Variants in MRPL36 observed in about 807,000 individuals in gnomAD.
MRPL36 encodes large ribosomal subunit protein bL36m.
MRPL36 carries 1 observed loss-of-function variant against 2.8 expected under a neutral mutation model. That is an observed-to-expected ratio of 0.36 (90% CI 0.13 to 1.69). The LOEUF is 1.69. MRPL36 is among the 40% of genes most tolerant of loss of function. MRPL36 has a pLI of 0.35. For missense variants in MRPL36, 148 were observed against 132.7 expected (o/e 1.12, Z -0.57); for synonymous variants, 68 against 54.8 (o/e 1.24, Z -1.06).
At chr5:1,801,358 C>T, upstream of MRPL36, 1 of 1,575,276 alleles carries the variant, frequency 6.3e-7, no homozygotes, top group East Asian at 2.3e-5. Flanking sequence ...CGCCAGAAGC[C>T]GTGCGCATGC....
upstream of MRPL36, chr5:1,799,866 A>T (rs1174554228): frequency 8.1e-6 from 1 of 122,884 alleles, no homozygotes; most frequent in African/African-American, 3.2e-5. Flanking sequence ...CCAGGAAGGA[A>T]GATGGCGGCG....
Position 1,798,469 on chromosome 5 carries a change from C to T in MRPL36, c.*155G>A. The T allele has an allele frequency of 3.0e-6, 2 of 663,818 alleles. No homozygotes were observed. Among genetic ancestry groups the T allele is most frequent in the South Asian group, 2.1e-5 (1 of 48,712 alleles). The allele number at this position is 663,818 out of a possible 1,614,324, so 41.1% of individuals were successfully genotyped here. A position where few individuals can be genotyped will look rare whatever the true frequency, so the allele number is the denominator to read the frequency against. On this transcript the variant is annotated 3_prime_UTR_variant, in exon 2 of 2. Transcript: ENST00000505059. ...GATAACGCAATGTCTTCTATAGTTA[C>T]TCATTTACACTGAAACGTGATGGGT...
chr5:1,801,301 C>G, upstream of MRPL36: 2 of 1,357,074 alleles, frequency 1.5e-6, no homozygotes, highest in East Asian at 2.5e-5. Context: ...CTGCCCCGAC[C>G]CGCGCTCCCC....
chr5:1,800,744 A>G (rs972892), upstream of MRPL36, among the ~76,000 whole-genome samples: 112,049 of 152,064 alleles, frequency 0.74, 44,405 homozygotes, highest in Non-Finnish European at 0.88. Flanking sequence ...ACCCAAGTCA[A>G]CTCTAAGCAA....
Position 1,798,890 on chromosome 5 carries a change from G to T in MRPL36, c.46C>A (p.Leu16Ile), listed in dbSNP as rs778307073. 1.9e-6 allele frequency: 3 copies of T among 1,609,950 alleles called. No individual in the cohort carries two copies. The Admixed American group carries it at 5.0e-5, about 27-fold the overall frequency. Residue 16 changes from leucine (L) to isoleucine (I), a missense_variant, in exon 2 of 2, where the codon CTC becomes ATC. Coordinates refer to ENST00000505059, the MANE Select transcript of MRPL36 (RefSeq NM_032479.4). ...CGAGGCTTCACCGTGTGACGACTGAGATAGAGCAGAGGGTTCACCATTTTC... is the reference window on the plus strand; with the variant it reads ...CGAGGCTTCACCGTGTGACGACTGATATAGAGCAGAGGGTTCACCATTTTC... ...IRKMVNPLLYLSRHTVKPRAL... is the reference protein window; with the variant it reads ...IRKMVNPLLYISRHTVKPRAL...
At chr5:1,800,814 TG>T (rs2111342089), upstream of MRPL36, among the ~76,000 whole-genome samples, 1 of 152,336 alleles carries the variant, frequency 6.6e-6, no homozygotes, top group East Asian at 1.9e-4. Flanking sequence ...TACTAGGCTT[TG>T]TTGCAGAAAT....
In MRPL36 at chr5:1,798,527, C is replaced by G; in HGVS notation, c.*97G>C. 1 of 1,259,946 alleles carries G rather than the reference C, an allele frequency of 7.9e-7. No individual in the cohort carries two copies. The highest frequency in any genetic ancestry group is 1.1e-6 in the Non-Finnish European group (1 of 901,636). 78.0% of individuals were successfully genotyped at this position (1,259,946 alleles called of 1,614,324 possible). ...AGGGCGTTTGCTTCCAGTCACTTTCCCCTGACTCCTTGATGTGATAATTCC... is the reference window on the plus strand; with the variant it reads ...AGGGCGTTTGCTTCCAGTCACTTTCGCCTGACTCCTTGATGTGATAATTCC... On this transcript the variant is annotated 3_prime_UTR_variant, in exon 2 of 2. Coordinates refer to ENST00000505059, the MANE Select transcript of MRPL36 (RefSeq NM_032479.4).
upstream of MRPL36, chr5:1,801,434 C>T (rs754131778): frequency 2.3e-5 from 37 of 1,605,112 alleles, no homozygotes; most frequent in Middle Eastern, 3.3e-4. Context: ...GCGGCGATGA[C>T]CTTCTGCCGG....
intron 1 of MRPL36, chr5:1,799,550 C>T (rs1733960048): frequency 6.6e-6 from 1 of 152,448 alleles, no homozygotes; most frequent in Non-Finnish European, 1.5e-5. Context: ...TCGGGAGCCG[C>T]CAGTTCTCCC....
At chr5:1,799,095 G>A (rs1722814865) in intron 1 of MRPL36, 148 bp from the exon 2 acceptor site, 1 of 628,640 alleles carries the variant, frequency 1.6e-6, no homozygotes, top group Non-Finnish European at 2.8e-6. Context: ...GCCTCGACCT[G>A]AGCTTGAACA....
At chr5:1,800,322 C>A (rs972890), upstream of MRPL36, among the ~76,000 whole-genome samples, 111,869 of 151,936 alleles carry the variant, frequency 0.74, 44,327 homozygotes, top group Non-Finnish European at 0.88. Context: ...TAGATTCTAC[C>A]CTTAGCTCGC....
At chr5:1,801,376 C>G (rs751214076), upstream of MRPL36, 1 of 1,599,812 alleles carries the variant, frequency 6.3e-7, no homozygotes, top group Non-Finnish European at 8.5e-7. Flanking sequence ...TGCGTTAGCG[C>G]TAAGCGGGAC....
At chr5:1,798,991 TC>T in intron 1 of MRPL36, 44 bp from the exon 2 acceptor site, 2 of 1,431,546 alleles carry the variant, frequency 1.4e-6, no homozygotes, top group South Asian at 2.7e-5. Flanking sequence ...CTCCTGCACT[TC>T]CACCTGCTCT....
intron 1 of MRPL36, chr5:1,799,479 C>T: frequency 6.6e-6 from 1 of 152,434 alleles, no homozygotes. Flanking sequence ...GCTGGGCCTG[C>T]AGGGCCCGGA....
upstream of MRPL36, among the ~76,000 whole-genome samples, chr5:1,800,322 C>T (rs972890): frequency 6.6e-6 from 1 of 151,892 alleles, no homozygotes. Flanking sequence ...TAGATTCTAC[C>T]CTTAGCTCGC....
rs1554017862 is a variant in MRPL36 at position 1,799,789 on chromosome 5, T to TACCC, written c.-14_-13+2dup. 1 of 150,876 alleles carries TACCC rather than the reference T, an allele frequency of 6.6e-6. No individual in the cohort carries two copies. 9.3% of individuals were successfully genotyped at this position (150,876 alleles called of 1,614,324 possible). On this transcript the variant is annotated splice_region_variant and intron_variant, in intron 1 of 1. Coordinates refer to ENST00000505059, the MANE Select transcript of MRPL36 (RefSeq NM_032479.4). ...CCCTGACCTGAGAAGACGGCTCCCT[T>TACCC]ACCCGGCCGCACGCTCTCACCCGGC...
Position 1,798,570 on chromosome 5 carries a change from A to G in MRPL36, c.*54T>C. The G allele has an allele frequency of 2.0e-6, 3 of 1,527,926 alleles. No homozygotes were observed. The highest frequency in any genetic ancestry group is 2.3e-5 in the East Asian group (1 of 43,840). The allele number at this position is 1,527,926 out of a possible 1,614,324, so 94.6% of individuals were successfully genotyped here. A position where few individuals can be genotyped will look rare whatever the true frequency, so the allele number is the denominator to read the frequency against. On this transcript the variant is annotated 3_prime_UTR_variant, in exon 2 of 2. Coordinates refer to ENST00000505059, the MANE Select transcript of MRPL36 (RefSeq NM_032479.4). The stretch of plus-strand genomic sequence containing the variant: ...ATAATTCCTTCCATAAGATACAACC[A>G]TTCTCCCAAGTGATGCGATGACGAG...
In MRPL36 at chr5:1,798,731, T is replaced by C; in HGVS notation, c.205A>G (p.Lys69Glu). 6.2e-7 allele frequency: 1 copy of C among 1,613,956 alleles called. No homozygotes were observed. The highest frequency in any genetic ancestry group is 8.5e-7 in the Non-Finnish European group (1 of 1,179,898). Reference protein sequence around the residue: ...HLLPALGFKNKTVLKKRCKDC... With the variant: ...HLLPALGFKNETVLKKRCKDC... ...TTGCAGCGCTTCTTAAGGACAGTCT[T>C]GTTTTTGAACCCCAGCGCAGGCAGC... is the stretch of plus-strand genomic sequence containing the variant. Residue 69 changes from lysine to glutamate, a missense_variant, in exon 2 of 2, where the codon AAG becomes GAG. Lys to Glu is a moderately conservative substitution (Grantham distance 56). Transcript: ENST00000505059.
Position 1,798,648 on chromosome 5 carries a change from C to G in MRPL36, c.288G>C (p.Pro96=), listed in dbSNP as rs760603990. 6.7e-5 allele frequency: 108 copies of G among 1,610,546 alleles called. No homozygotes were observed. The highest frequency in any genetic ancestry group is 8.8e-5 in the Non-Finnish European group (103 of 1,177,096). The stretch of plus-strand genomic sequence containing the variant: ...TCTACATCTGTCTCTGCTTGTGCCT[C>G]GGATGGGTTTTACAGTAGACGTACC... ...GRWYVYCKTH[P]RHKQRQM is the part of the protein sequence containing the mutation. Residue 96 remains proline, a synonymous_variant, in exon 2 of 2, where the codon CCG becomes CCC. Coordinates refer to ENST00000505059, the MANE Select transcript of MRPL36 (RefSeq NM_032479.4).
Sources: allele counts gnomAD v4.1 joint callset (sites outside exome capture counted in the v4.1 genomes callset), GRCh38; gene constraint gnomAD v4.1.1; transcripts MANE v1.5; gene names NCBI Gene and HGNC (gene_info 2026-07-23, HGNC 2026-07-21).